Variants in GRIA1 observed in about 807,000 individuals in gnomAD.
The protein encoded by GRIA1 is glutamate ionotropic receptor AMPA type subunit 1.
In GRIA1, 31 loss-of-function variants were observed where a neutral mutation model predicts 99.2. The ratio of observed to expected loss-of-function variants is 0.31; its 90% CI spans 0.23 to 0.42. The LOEUF is 0.42. Ranked by LOEUF, GRIA1 falls within the 10% of genes least tolerant of loss-of-function variation. The pLI, the probability that GRIA1 is intolerant of heterozygous loss-of-function variation, is 1.00. For synonymous variants in GRIA1, 438 were observed against 432.4 expected (o/e 1.01, Z -0.16); for missense variants, 782 against 1,157.5 (o/e 0.68, Z 4.71).
chr5:153,651,704 T>A (rs1402807361), intron 4 of GRIA1, among the ~76,000 whole-genome samples: 1 of 152,180 alleles, frequency 6.6e-6, no homozygotes, highest in South Asian at 2.1e-4. Context: ...TATGGATTCT[T>A]TAAGGCACTA....
chr5:153,659,761 A>T (rs115024208), intron 5 of GRIA1, among the ~76,000 whole-genome samples: 11,331 of 152,206 alleles, frequency 0.074, 555 homozygotes, highest in Non-Finnish European at 0.11. Flanking sequence ...ATTTTACTGG[A>T]ATGAAAGCAC....
intron 2 of GRIA1, among the ~76,000 whole-genome samples, chr5:153,513,750 C>T (rs1490189049): frequency 6.6e-6 from 1 of 152,168 alleles, no homozygotes; most frequent in Non-Finnish European, 1.5e-5. Context: ...CCAGACTTTA[C>T]TGTTACTGTC....
chr5:153,558,567 C>T (rs1419788564), intron 2 of GRIA1, among the ~76,000 whole-genome samples: 1 of 151,982 alleles, frequency 6.6e-6, no homozygotes, highest in African/African-American at 2.4e-5. Context: ...GTATTAGTAG[C>T]TTGTTCCTTT....
At chr5:153,791,114 A>T (rs1765267885) in intron 13 of GRIA1, among the ~76,000 whole-genome samples, 1 of 149,568 alleles carries the variant, frequency 6.7e-6, no homozygotes, top group Non-Finnish European at 1.5e-5. Flanking sequence ...CCATTCTTTT[A>T]GCAATTCGTT....
In GRIA1 at chr5:153,764,588, G is replaced by A; in HGVS notation, c.1978G>A (p.Ala660Thr). ...AEDLAKQTEI[A>T]YGTLEAGSTK... ...GGACCTAGCGAAGCAGACAGAAATT[G>A]CCTACGGGACGCTGGAAGCAGGATC... The change falls in exon 12 of 16, where the codon GCC becomes ACC. Residue 660 changes from alanine to threonine, a missense_variant. Physicochemically the swap from Ala to Thr is moderately conservative, Grantham distance 58 (BLOSUM62 0). This residue lies in a region of GRIA1 where 119 missense variants were observed against 326.6 expected (regional missense o/e 0.36). Coordinates refer to ENST00000285900, the MANE Select transcript of GRIA1 (RefSeq NM_000827.4). 6.2e-7 allele frequency: 1 copy of A among 1,614,120 alleles called. No individual in the cohort carries two copies. Among genetic ancestry groups the A allele is most frequent in the Non-Finnish European group, 8.5e-7 (1 of 1,179,972 alleles).
chr5:153,761,851 T>C (rs775254941), intron 11 of GRIA1, among the ~76,000 whole-genome samples: 12 of 152,254 alleles, frequency 7.9e-5, no homozygotes, highest in Admixed American at 3.3e-4. Context: ...AAGAATGAAA[T>C]CCTGTCATTT....
chr5:153,613,234 C>T (rs1766161314), intron 2 of GRIA1, among the ~76,000 whole-genome samples: 1 of 152,110 alleles, frequency 6.6e-6, no homozygotes, highest in African/African-American at 2.4e-5. Context: ...CATGCCTCCA[C>T]AAGCATTTCA....
At chr5:153,630,845 T>C (rs1366762206) in intron 2 of GRIA1, among the ~76,000 whole-genome samples, 1 of 152,166 alleles carries the variant, frequency 6.6e-6, no homozygotes, top group East Asian at 1.9e-4. Context: ...GCTTGGTGTA[T>C]GTGTGGAAGT....
intron 11 of GRIA1, among the ~76,000 whole-genome samples, chr5:153,746,349 G>T (rs1762157499): frequency 6.6e-6 from 1 of 152,102 alleles, no homozygotes; most frequent in Non-Finnish European, 1.5e-5. Flanking sequence ...ATTTTCAATG[G>T]GTTATTTTAA....
intron 2 of GRIA1, among the ~76,000 whole-genome samples, chr5:153,500,934 C>A (rs1216751069): frequency 6.6e-6 from 1 of 152,086 alleles, no homozygotes; most frequent in Non-Finnish European, 1.5e-5. Flanking sequence ...CTCCCCCAAG[C>A]TTATTTATAA....
At position 153,722,767 on chromosome 5, in the gene GRIA1, G is replaced by A. The variant is rs539530895; in HGVS notation, c.1823+16700G>A. On this transcript the variant is annotated intron_variant, in intron 11 of 15. Coordinates refer to ENST00000285900, the MANE Select transcript of GRIA1 (RefSeq NM_000827.4). ...GAAGCTGGATGATCCCATGGGGTAC[G>A]GGGTGTAGAAGGGATTCTCTTCACA... 1.5e-4 allele frequency among the ~76,000 whole-genome samples: 23 copies of A among 152,280 alleles called. No homozygotes were observed. In the South Asian group the frequency reaches 3.5e-3, roughly 23 times the overall value.
At chr5:153,720,258 C>G (rs2149538782) in intron 11 of GRIA1, among the ~76,000 whole-genome samples, 1 of 152,266 alleles carries the variant, frequency 6.6e-6, no homozygotes, top group South Asian at 2.1e-4. Flanking sequence ...TGACCCTTAA[C>G]AAACAATAAG....
intron 2 of GRIA1, among the ~76,000 whole-genome samples, chr5:153,609,030 T>C (rs992613431): frequency 2.6e-5 from 4 of 152,188 alleles, no homozygotes; most frequent in African/African-American, 9.6e-5. Context: ...GCAGCCCTTC[T>C]GAGTCCCAGC....
At chr5:153,620,110 C>CAAA (rs1766892174) in intron 2 of GRIA1, among the ~76,000 whole-genome samples, 3 of 152,108 alleles carry the variant, frequency 2.0e-5, no homozygotes, top group Non-Finnish European at 2.9e-5. Flanking sequence ...GAATTAGATG[C>CAAA]AAATACAAAA....
intron 14 of GRIA1, among the ~76,000 whole-genome samples, chr5:153,797,853 T>C (rs1436149605): frequency 6.6e-6 from 1 of 152,212 alleles, no homozygotes; most frequent in African/African-American, 2.4e-5. Flanking sequence ...GGGGAAAATA[T>C]GAAGGCTAGG....
chr5:153,724,461 G>A (rs1760344087), intron 11 of GRIA1, among the ~76,000 whole-genome samples: 1 of 152,184 alleles, frequency 6.6e-6, no homozygotes, highest in Non-Finnish European at 1.5e-5. Context: ...GCTACAAGAG[G>A]AAATTCAAAC....
At chr5:153,751,087 C>T (rs1006573769) in intron 11 of GRIA1, among the ~76,000 whole-genome samples, 2 of 151,972 alleles carry the variant, frequency 1.3e-5, no homozygotes, top group East Asian at 1.9e-4. Context: ...ACAACAAGAG[C>T]GAGACTCTGT....
At chr5:153,645,301 G>A (rs1191278042) in intron 2 of GRIA1, among the ~76,000 whole-genome samples, 2 of 152,188 alleles carry the variant, frequency 1.3e-5, no homozygotes, top group African/African-American at 4.8e-5. Flanking sequence ...GTGGGAGTAG[G>A]ACAGATGGGT....
chr5:153,491,292 A>T, intron 1 of GRIA1: 3 of 1,250,048 alleles, frequency 2.4e-6, no homozygotes, highest in East Asian at 3.6e-5. Context: ...TAAGGAGTTA[A>T]CTCTATTGCT....
Sources: allele counts gnomAD v4.1 joint callset (sites outside exome capture counted in the v4.1 genomes callset), GRCh38; gene constraint gnomAD v4.1.1; regional missense constraint gnomAD v4.1.1; transcripts MANE v1.5; gene names NCBI Gene and HGNC (gene_info 2026-07-23, HGNC 2026-07-21).